The following CNOT6 variants were observed in gnomAD, a reference collection of about 807,000 sequenced individuals.
CNOT6 encodes CCR4-NOT transcription complex subunit 6, also known as carbon catabolite repression 4 protein.
Under a neutral mutation model 61.2 loss-of-function variants are expected in CNOT6, and 12 were observed. The observed-to-expected ratio is 0.20, with a 90% CI of 0.13 to 0.32. The LOEUF (loss-of-function observed/expected upper bound fraction) is 0.32, where lower values mean the gene tolerates loss of function less well. Among genes scored for constraint, CNOT6 ranks in the 10% least tolerant of loss-of-function variants. The pLI, the probability that CNOT6 is intolerant of heterozygous loss-of-function variation, is 1.00. For synonymous variants in CNOT6, 225 were observed against 240.6 expected, an observed-to-expected ratio of 0.94 and a Z score of 0.60; for missense variants, 405 against 663.9, an observed-to-expected ratio of 0.61 and a Z score of 4.28.
At chr5:180,558,305 G>C (rs978357167) in intron 4 of CNOT6, among the ~76,000 whole-genome samples, 2 of 152,064 alleles carry the variant, frequency 1.3e-5, no homozygotes, top group African/African-American at 4.8e-5. Flanking sequence ...CAAGGACCTG[G>C]ATAACTGGAG....
At chr5:180,500,197 T>A (rs1240584981) in intron 1 of CNOT6, among the ~76,000 whole-genome samples, 1 of 151,852 alleles carries the variant, frequency 6.6e-6, no homozygotes, top group Admixed American at 6.6e-5. Flanking sequence ...GATGATGACT[T>A]GCTGCAGCCT....
chr5:180,557,207 T>C (rs913910418), intron 4 of CNOT6, among the ~76,000 whole-genome samples: 3 of 152,238 alleles, frequency 2.0e-5, no homozygotes, highest in African/African-American at 7.2e-5. Flanking sequence ...CTGTGAACAT[T>C]CAGTGTGCAG....
chr5:180,538,531 A>C (rs1299676677), intron 2 of CNOT6, among the ~76,000 whole-genome samples: 2 of 150,924 alleles, frequency 1.3e-5, no homozygotes, highest in African/African-American at 4.8e-5. Flanking sequence ...ACTAAAATAC[A>C]AAAAAAATTT....
chr5:180,565,004 A>G (rs1390920500), intron 6 of CNOT6, among the ~76,000 whole-genome samples: 4 of 152,218 alleles, frequency 2.6e-5, no homozygotes, highest in Non-Finnish European at 5.9e-5. Flanking sequence ...TCTGGAGACA[A>G]TTTTGATGGT....
At chr5:180,513,129 C>A (rs1168100039) in intron 1 of CNOT6, among the ~76,000 whole-genome samples, 1 of 151,014 alleles carries the variant, frequency 6.6e-6, no homozygotes, top group East Asian at 2.0e-4. Context: ...GAACTCCTGA[C>A]CTCGTGATCC....
intron 4 of CNOT6, among the ~76,000 whole-genome samples, chr5:180,562,560 G>A (rs1760240210): frequency 6.6e-6 from 1 of 152,086 alleles, no homozygotes; most frequent in African/African-American, 2.4e-5. Context: ...CTAATGCGGT[G>A]AAACCCTGTC....
intron 1 of CNOT6, 80 bp from the exon 2 acceptor site, chr5:180,529,195 C>G: frequency 4.7e-6 from 3 of 635,612 alleles, no homozygotes; most frequent in Non-Finnish European, 7.9e-6. Context: ...CAGACTTCGT[C>G]TCAAAAAAAA....
chr5:180,500,233 C>G (rs527376833), intron 1 of CNOT6, among the ~76,000 whole-genome samples: 12 of 151,952 alleles, frequency 7.9e-5, no homozygotes, highest in Non-Finnish European at 1.3e-4. Flanking sequence ...ACCCGAGCCT[C>G]CTGAGTACCT....
At chr5:180,538,847 C>T (rs1310198472) in intron 2 of CNOT6, among the ~76,000 whole-genome samples, 1 of 151,510 alleles carries the variant, frequency 6.6e-6, no homozygotes, top group Admixed American at 6.6e-5. Context: ...CCACTGTACT[C>T]CAGCCTGGGT....
intron 2 of CNOT6, among the ~76,000 whole-genome samples, chr5:180,533,018 T>A (rs1413956399): frequency 6.6e-6 from 1 of 152,180 alleles, no homozygotes; most frequent in Non-Finnish European, 1.5e-5. Flanking sequence ...CGGGTTTTTA[T>A]GGAGGCTTCA....
intron 1 of CNOT6, among the ~76,000 whole-genome samples, chr5:180,520,848 ATTT>A (rs915949908): frequency 8.1e-5 from 12 of 147,680 alleles, no homozygotes; most frequent in East Asian, 8.0e-4. Flanking sequence ...TTATTTTATT[ATTT>A]TTTTTTTTTT....
chr5:180,526,543 G>A (rs974443501), intron 1 of CNOT6, among the ~76,000 whole-genome samples: 1 of 152,200 alleles, frequency 6.6e-6, no homozygotes, highest in African/African-American at 2.4e-5. Flanking sequence ...GTAGGTGTTA[G>A]AGGTTTGAAG....
intron 4 of CNOT6, among the ~76,000 whole-genome samples, chr5:180,560,903 G>A (rs1052755824): frequency 3.9e-5 from 6 of 151,994 alleles, no homozygotes; most frequent in Admixed American, 2.0e-4. Context: ...CAGAGACTTT[G>A]TTCTTTTTGT....
chr5:180,556,882 G>A (rs1759922607), intron 4 of CNOT6, among the ~76,000 whole-genome samples: 1 of 152,150 alleles, frequency 6.6e-6, no homozygotes, highest in African/African-American at 2.4e-5. Flanking sequence ...CGTGAACCTG[G>A]GAGGTGGAGG....
intron 1 of CNOT6, among the ~76,000 whole-genome samples, chr5:180,514,896 C>T (rs1757561936): frequency 6.6e-6 from 1 of 152,028 alleles, no homozygotes; most frequent in African/African-American, 2.4e-5. Flanking sequence ...AGTTCATTAG[C>T]GTAATTTGCT....
chr5:180,566,285 A>G (rs1414053946), intron 7 of CNOT6, among the ~76,000 whole-genome samples: 1 of 152,234 alleles, frequency 6.6e-6, no homozygotes, highest in African/African-American at 2.4e-5. Flanking sequence ...AGCGTGGTCA[A>G]GCTATAACTT....
At chr5:180,528,800 A>G (rs1458521504) in intron 1 of CNOT6, among the ~76,000 whole-genome samples, 1 of 152,154 alleles carries the variant, frequency 6.6e-6, no homozygotes, top group Non-Finnish European at 1.5e-5. Context: ...CACCCTTGTT[A>G]GCTTCACAGC....
chr5:180,495,031 G>A (rs1479918443), intron 1 of CNOT6, among the ~76,000 whole-genome samples: 7 of 152,152 alleles, frequency 4.6e-5, no homozygotes, highest in African/African-American at 1.7e-4. Flanking sequence ...GAGGGTCGGC[G>A]CTGGGCTCCC....
chr5:180,574,457 A>G lies in CNOT6; in HGVS notation c.*257A>G, dbSNP rs1760920477. ...TTCATTTGTCATAAGAGATTTTCCT[A>G]TTTCTTCTACCCAATAGAATATTTT... On this transcript the variant is annotated 3_prime_UTR_variant, in exon 12 of 12. Coordinates refer to ENST00000261951, the MANE Select transcript of CNOT6 (RefSeq NM_001370472.1). 3.8e-6 allele frequency: 2 copies of G among 522,790 alleles called. No homozygotes were observed. The highest frequency in any genetic ancestry group is 3.4e-5 in the East Asian group (1 of 29,420). 32.4% of individuals were successfully genotyped at this position (522,790 alleles called of 1,614,324 possible). A position where few individuals can be genotyped will look rare whatever the true frequency, so the allele number is the denominator to read the frequency against.
Sources: allele counts gnomAD v4.1 joint callset (sites outside exome capture counted in the v4.1 genomes callset), GRCh38; gene constraint gnomAD v4.1.1; transcripts MANE v1.5; gene names NCBI Gene and HGNC (gene_info 2026-07-23, HGNC 2026-07-21).